ZNF362: variants seen among roughly 807,000 people sequenced by gnomAD.
The protein encoded by ZNF362 is rotund homolog.
In ZNF362, 11 loss-of-function variants were observed where a neutral mutation model predicts 42.9. That is an observed-to-expected ratio of 0.26 (90% confidence interval 0.16 to 0.42). ZNF362 has a LOEUF of 0.42. ZNF362 is among the 20% of genes least tolerant of loss of function. ZNF362 has a pLI of 1.00. For synonymous variants in ZNF362, 255 were observed against 257.3 expected, an observed-to-expected ratio of 0.99 and a Z score of 0.09; for missense variants, 362 against 576.2, an observed-to-expected ratio of 0.63 and a Z score of 3.81.
chr1:33,233,313 G>GA, the ZNF362 span, among the ~76,000 whole-genome samples: 1 of 152,196 alleles, frequency 6.6e-6, no homozygotes, highest in Admixed American at 6.5e-5. Context: ...CATGCTCTCA[G>GA]AGGCCTTTCC....
intron 1 of ZNF362, among the ~76,000 whole-genome samples, chr1:33,260,677 G>A (rs555168046): frequency 5.9e-5 from 9 of 152,324 alleles, no homozygotes; most frequent in African/African-American, 1.9e-4. Flanking sequence ...CTGGTGTGGT[G>A]TGGCTGGGGC....
the ZNF362 span, among the ~76,000 whole-genome samples, chr1:33,153,907 C>G: frequency 6.6e-6 from 1 of 152,358 alleles, no homozygotes; most frequent in South Asian, 2.1e-4. Context: ...CTGACCCTCA[C>G]AGTTCACAGT....
chr1:33,152,363 C>T, the ZNF362 span, among the ~76,000 whole-genome samples: 4 of 152,122 alleles, frequency 2.6e-5, no homozygotes, highest in East Asian at 3.8e-4. Flanking sequence ...GTCCGGAGTT[C>T]GAGATCAGCC....
chr1:33,203,784 T>C, the ZNF362 span, among the ~76,000 whole-genome samples: 1 of 152,222 alleles, frequency 6.6e-6, no homozygotes, highest in Non-Finnish European at 1.5e-5. Context: ...AAGAAATGTC[T>C]TTTCAGTCCT....
At chr1:33,254,784 A>C (rs567366293), upstream of ZNF362, among the ~76,000 whole-genome samples, 71 of 152,116 alleles carry the variant, frequency 4.7e-4, no homozygotes, top group African/African-American at 1.6e-3. Flanking sequence ...CCTACTCCTA[A>C]AGAGTAGGGA....
At chr1:33,159,721 G>T in the ZNF362 span, 13 of 1,611,256 alleles carry the variant, frequency 8.1e-6, no homozygotes, top group African/African-American at 2.7e-5. This position sits in a 1 kb window ranked among gnomAD's most constrained non-coding sequence, Gnocchi z 4.2. Flanking sequence ...AGCCAGGAAG[G>T]TGTGCCGGTC....
the ZNF362 span, among the ~76,000 whole-genome samples, chr1:33,169,366 T>G: frequency 6.6e-6 from 1 of 152,178 alleles, no homozygotes; most frequent in Non-Finnish European, 1.5e-5. Flanking sequence ...CTCTGGAATT[T>G]GTTCTCTCCT....
chr1:33,211,176 G>T, the ZNF362 span, among the ~76,000 whole-genome samples: 37 of 152,210 alleles, frequency 2.4e-4, no homozygotes, highest in African/African-American at 8.2e-4. Flanking sequence ...CTTGTGATCT[G>T]CCCTCGCTAG....
the ZNF362 span, among the ~76,000 whole-genome samples, chr1:33,225,070 C>A: frequency 6.6e-6 from 1 of 152,300 alleles, no homozygotes; most frequent in South Asian, 2.1e-4. Context: ...TCATTTAATT[C>A]TAGACGTACT....
the ZNF362 span, among the ~76,000 whole-genome samples, chr1:33,203,744 C>A: frequency 6.6e-6 from 1 of 152,134 alleles, no homozygotes; most frequent in Admixed American, 6.5e-5. Context: ...CCTTTTCATA[C>A]ACGTATTGAC....
chr1:33,224,454 A>G, the ZNF362 span, among the ~76,000 whole-genome samples: 5 of 152,234 alleles, frequency 3.3e-5, no homozygotes, highest in African/African-American at 4.8e-5. Flanking sequence ...TGCTATCTAT[A>G]TGAGATACAT....
At chr1:33,246,928 T>C in the ZNF362 span, among the ~76,000 whole-genome samples, 1 of 152,094 alleles carries the variant, frequency 6.6e-6, no homozygotes, top group Non-Finnish European at 1.5e-5. Context: ...GAACTGAAGG[T>C]TGGAGTAGCT....
chr1:33,142,720 A>G, the ZNF362 span: 3 of 152,252 alleles, frequency 2.0e-5, no homozygotes, highest in East Asian at 1.9e-4. Flanking sequence ...CAGGGAGATC[A>G]CAGTCCTGGT....
chr1:33,242,454 C>G, the ZNF362 span, among the ~76,000 whole-genome samples: 1 of 152,148 alleles, frequency 6.6e-6, no homozygotes, highest in Non-Finnish European at 1.5e-5. Context: ...TCCACACTCT[C>G]TGCACATAGC....
chr1:33,172,888 C>T, the ZNF362 span, among the ~76,000 whole-genome samples: 1,584 of 152,296 alleles, frequency 0.01, 28 homozygotes, highest in African/African-American at 0.034. Context: ...GCATGACTTT[C>T]GCTCAGGGCT....
At chr1:33,149,264 T>G in the ZNF362 span, among the ~76,000 whole-genome samples, 2 of 152,242 alleles carry the variant, frequency 1.3e-5, no homozygotes, top group Non-Finnish European at 2.9e-5. Context: ...GTGATTCTCA[T>G]GCCTCAGCCT....
At chr1:33,219,668 G>A in the ZNF362 span, among the ~76,000 whole-genome samples, 4 of 152,184 alleles carry the variant, frequency 2.6e-5, no homozygotes, top group African/African-American at 9.6e-5. Context: ...AGGAGTAGGG[G>A]CAGTTTTGAC....
chr1:33,271,349 G>A (rs1018096494), intron 2 of ZNF362, among the ~76,000 whole-genome samples: 1 of 152,190 alleles, frequency 6.6e-6, no homozygotes, highest in African/African-American at 2.4e-5. Flanking sequence ...CTTCTTCTCT[G>A]CCTGGCTAAC....
the ZNF362 span, chr1:33,180,953 T>TGGGGGGGGG: frequency 2.8e-6 from 2 of 724,330 alleles, no homozygotes; most frequent in Non-Finnish European, 3.9e-6. Flanking sequence ...GGTCCAGCCC[T>TGGGGGGGGG]GACCCCACCC....
Sources: allele counts gnomAD v4.1 joint callset (sites outside exome capture counted in the v4.1 genomes callset), GRCh38; gene constraint gnomAD v4.1.1; non-coding constraint Gnocchi (gnomAD v3.1); transcripts MANE v1.5; gene names NCBI Gene and HGNC (gene_info 2026-07-23, HGNC 2026-07-21).